Variants in NDST3 observed in about 807,000 individuals in gnomAD.
The protein encoded by NDST3 is N-deacetylase and N-sulfotransferase 3.
NDST3 carries 58 observed loss-of-function variants against 96.1 expected under a neutral mutation model. The observed-to-expected ratio is 0.60, with a 90% CI of 0.49 to 0.75. NDST3 has a LOEUF of 0.75. Among genes scored for constraint, NDST3 ranks in the 30% least tolerant of loss-of-function variants. NDST3 has a pLI of 0.00. For missense variants in NDST3, 788 were observed against 1,034.2 expected (o/e 0.76, Z 3.27); for synonymous variants, 333 against 359.7 (o/e 0.93, Z 0.84).
chr4:118,126,379 T>G, intron 4 of NDST3, among the ~76,000 whole-genome samples: 1 of 151,922 alleles, frequency 6.6e-6, no homozygotes, highest in East Asian at 1.9e-4. Context: ...GATGTTTGTC[T>G]TTCTGTGTCT....
chr4:118,088,130 C>T (rs1043046678), intron 2 of NDST3, among the ~76,000 whole-genome samples: 1 of 151,966 alleles, frequency 6.6e-6, no homozygotes, highest in Non-Finnish European at 1.5e-5. Context: ...ACAGGAATGA[C>T]AGACATGTAA....
intron 6 of NDST3, among the ~76,000 whole-genome samples, chr4:118,170,543 T>C (rs971332225): frequency 7.9e-5 from 12 of 151,942 alleles, no homozygotes; most frequent in Non-Finnish European, 1.2e-4. Context: ...GCCTGGCCAA[T>C]ATGGTGAAAC....
At chr4:118,240,795 T>C (rs1206714339) in intron 11 of NDST3, 101 bp downstream of exon 11, 1 of 1,144,486 alleles carries the variant, frequency 8.7e-7, no homozygotes, top group Non-Finnish European at 1.2e-6. Flanking sequence ...ATTACTAGTT[T>C]TTCCTCTTTA....
intron 12 of NDST3, among the ~76,000 whole-genome samples, chr4:118,252,537 T>C: frequency 6.6e-6 from 1 of 152,232 alleles, no homozygotes; most frequent in East Asian, 1.9e-4. Flanking sequence ...ATGAAATATT[T>C]TGGTAAGATA....
chr4:118,039,094 G>T (rs1479886279), intron 1 of NDST3, among the ~76,000 whole-genome samples: 1 of 152,126 alleles, frequency 6.6e-6, no homozygotes, highest in African/African-American at 2.4e-5. Context: ...ATAATTAATG[G>T]TTAATATTTG....
chr4:118,186,991 C>T (rs1167818600), intron 6 of NDST3, among the ~76,000 whole-genome samples: 6 of 152,164 alleles, frequency 3.9e-5, no homozygotes, highest in Non-Finnish European at 5.9e-5. Context: ...ACTATTATGA[C>T]CATGAGGAGG....
intron 2 of NDST3, among the ~76,000 whole-genome samples, chr4:118,077,046 AG>A (rs1391945028): frequency 6.6e-6 from 1 of 152,204 alleles, no homozygotes; most frequent in Admixed American, 6.5e-5. Context: ...GAAAGATTTC[AG>A]GGGGCCAAGG....
At position 118,063,501 on chromosome 4, in the gene NDST3, T is replaced by A. The variant is rs185592683; in HGVS notation, c.981+8610T>A. Reference sequence around the variant, plus strand: ...GTACGATTTGCCAGTTACTGGATTATGTCCTTCTCTTGGTTAAGAGAATTT... The same window carrying A: ...GTACGATTTGCCAGTTACTGGATTAAGTCCTTCTCTTGGTTAAGAGAATTT... On this transcript the variant is annotated intron_variant, in intron 2 of 13. Coordinates refer to ENST00000296499, the MANE Select transcript of NDST3 (RefSeq NM_004784.3). Among the ~76,000 whole-genome samples the A allele has an allele frequency of 3.4e-3, 513 of 152,288 alleles. 1 individual carries two copies. Among genetic ancestry groups the A allele is most frequent in the Non-Finnish European group, 5.7e-3 (386 of 68,012 alleles).
At chr4:118,140,726 G>A (rs189602727) in intron 5 of NDST3, among the ~76,000 whole-genome samples, 1 of 152,324 alleles carries the variant, frequency 6.6e-6, no homozygotes, top group East Asian at 1.9e-4. Context: ...GGAAGGAGAA[G>A]TGCAGAGCAA....
chr4:118,088,973 G>C (rs976864237), intron 2 of NDST3, among the ~76,000 whole-genome samples: 1 of 151,836 alleles, frequency 6.6e-6, no homozygotes, highest in Non-Finnish European at 1.5e-5. Context: ...TAAAGCAATT[G>C]AGTTTCATAG....
intron 2 of NDST3, chr4:118,055,648 G>A (rs1205838162): frequency 6.6e-6 from 1 of 151,868 alleles, no homozygotes; most frequent in Non-Finnish European, 1.5e-5. Context: ...TAAAATTAAA[G>A]TTATCTACAT....
intron 2 of NDST3, among the ~76,000 whole-genome samples, chr4:118,093,695 G>A (rs1729066695): frequency 6.6e-6 from 1 of 151,784 alleles, no homozygotes; most frequent in Non-Finnish European, 1.5e-5. Flanking sequence ...CAGATCACAG[G>A]CCTGTTAGAC....
intron 6 of NDST3, among the ~76,000 whole-genome samples, chr4:118,203,857 A>G (rs1017782363): frequency 3.3e-5 from 5 of 152,172 alleles, no homozygotes; most frequent in African/African-American, 1.2e-4. Context: ...AACTTAGCCA[A>G]TAATTTTTTC....
chr4:118,177,896 C>A (rs958612262), intron 6 of NDST3, among the ~76,000 whole-genome samples: 1 of 151,786 alleles, frequency 6.6e-6, no homozygotes, highest in Admixed American at 6.6e-5. Flanking sequence ...GAAGAATAAT[C>A]CTGGAATGTT....
rs577472952 is a variant in NDST3, at chr4:118,049,971, G to A, written c.-155-3785G>A. On this transcript the variant is annotated intron_variant, in intron 1 of 13. Transcript: ENST00000296499. The stretch of plus-strand genomic sequence containing the variant: ...GCCAATATCTCCGATGAACATAGAT[G>A]CAGAAATTCTCAACCAAATACTAGG... Among the ~76,000 whole-genome samples the A allele has an allele frequency of 1.0e-3, 156 of 152,228 alleles. 2 individuals are homozygous for A. The highest frequency in any genetic ancestry group is 3.5e-3 in the African/African-American group (147 of 41,558).
At chr4:118,181,766 T>C (rs1482013963) in intron 6 of NDST3, among the ~76,000 whole-genome samples, 1 of 152,176 alleles carries the variant, frequency 6.6e-6, no homozygotes, top group Non-Finnish European at 1.5e-5. Flanking sequence ...CTAAGTCACA[T>C]GAAAGTGAAA....
intron 1 of NDST3, among the ~76,000 whole-genome samples, chr4:118,047,281 T>C (rs1353306920): frequency 6.6e-6 from 1 of 152,184 alleles, no homozygotes; most frequent in Non-Finnish European, 1.5e-5. Flanking sequence ...ACGTCATTGT[T>C]AAAGAAACAC....
rs1742227025 is a variant in NDST3 at position 118,258,201 on chromosome 4, T to G, written c.*2489T>G. ...AGGAAGAGATCTTACCAAAATTTAT[T>G]CATTCACAAGTACATGTATTACGCT... On this transcript the variant is annotated 3_prime_UTR_variant, in exon 14 of 14. Coordinates refer to ENST00000296499, the MANE Select transcript of NDST3 (RefSeq NM_004784.3). 1 of 152,194 alleles carries G rather than the reference T, an allele frequency of 6.6e-6. No individual in the cohort carries two copies. The highest frequency in any genetic ancestry group is 1.5e-5 in the Non-Finnish European group (1 of 68,012). The allele number at this position is 152,194 out of a possible 1,614,324, so 9.4% of individuals were successfully genotyped here. A position where few individuals can be genotyped will look rare whatever the true frequency, so the allele number is the denominator to read the frequency against.
chr4:118,072,923 G>A (rs1007731163), intron 2 of NDST3, among the ~76,000 whole-genome samples: 12 of 151,890 alleles, frequency 7.9e-5, no homozygotes, highest in African/African-American at 1.9e-4. Flanking sequence ...GTCTGTTGAC[G>A]GTTTTTAACA....
Sources: gnomAD v4.1 joint callset for allele counts (sites outside exome capture counted in the v4.1 genomes callset) on GRCh38, gnomAD v4.1.1 for gene constraint, MANE v1.5 for transcripts, NCBI Gene and HGNC (gene_info 2026-07-23, HGNC 2026-07-21) for gene names.